PCDHA2: variants seen among roughly 807,000 people sequenced by gnomAD.
PCDHA2 encodes protocadherin alpha-2.
A neutral mutation model predicts 66.0 loss-of-function variants in PCDHA2; 58 were observed. The observed-to-expected ratio is 0.88, with a 90% CI of 0.71 to 1.09. The LOEUF (loss-of-function observed/expected upper bound fraction) is 1.09. Among genes scored for constraint, PCDHA2 ranks in the 50% least tolerant of loss-of-function variants. PCDHA2 has a pLI of 0.00. For synonymous variants in PCDHA2, 634 were observed against 554.0 expected (o/e 1.14, Z -2.03); for missense variants, 1,267 against 1,242.3 (o/e 1.02, Z -0.30).
chr5:140,914,944 CTTTTTT>C (rs35695909), intron 1 of PCDHA2, among the ~76,000 whole-genome samples: 1 of 128,266 alleles, frequency 7.8e-6, no homozygotes, highest in Non-Finnish European at 1.7e-5. Flanking sequence ...GAAAAGTTGT[CTTTTTT>C]TTTTTTTTTT....
rs147892853 is a variant in PCDHA2 at position 140,979,173 on chromosome 5, C to A, written c.2447+166C>A. ...CCCATGTTTATTCCTTGAAAGATCG[C>A]AAATGGTCAGTGCCAGATGCTTATC... On this transcript the variant is annotated intron_variant, in intron 2 of 3. Transcript: ENST00000526136. The A allele has an allele frequency of 5.2e-6, 5 of 958,838 alleles. No individual in the cohort carries two copies. The Admixed American group carries it at 3.1e-4, about 59-fold the overall frequency. 59.4% of individuals were successfully genotyped at this position (958,838 alleles called of 1,614,324 possible).
chr5:140,832,014 A>T (rs2150199112), intron 1 of PCDHA2, among the ~76,000 whole-genome samples: 4 of 152,220 alleles, frequency 2.6e-5, no homozygotes, highest in Non-Finnish European at 5.9e-5. Context: ...CATTTTACGT[A>T]AAGATTGAAT....
At chr5:140,938,715 C>T (rs138044331) in intron 1 of PCDHA2, among the ~76,000 whole-genome samples, 10 of 152,038 alleles carry the variant, frequency 6.6e-5, no homozygotes, top group African/African-American at 2.4e-4. Flanking sequence ...ATGATAGAAA[C>T]GCGTTTCTAC....
chr5:140,964,238 T>G (rs1354844619), intron 1 of PCDHA2, among the ~76,000 whole-genome samples: 1 of 152,208 alleles, frequency 6.6e-6, no homozygotes, highest in Admixed American at 6.5e-5. Flanking sequence ...AGGCTGATTG[T>G]GTTGGCTTTA....
In PCDHA2 at chr5:140,870,510, A is replaced by G. The variant is rs185967358; in HGVS notation, c.2388+73158A>G. On this transcript the variant is annotated intron_variant, in intron 1 of 3. Transcript: ENST00000526136. ...TGTTCGTGAAGGAGAACAACCCACCAGGCTGCCACATCTTCACAGTGTCGG... is the reference window on the plus strand; with the variant it reads ...TGTTCGTGAAGGAGAACAACCCACCGGGCTGCCACATCTTCACAGTGTCGG... 4.8e-3 allele frequency: 7,668 copies of G among 1,614,220 alleles called. 19 individuals carry two copies. The highest frequency in any genetic ancestry group is 5.8e-3 in the Non-Finnish European group (6,886 of 1,180,042).
chr5:140,872,828 A>G (rs1393520150), intron 1 of PCDHA2, among the ~76,000 whole-genome samples: 2 of 152,234 alleles, frequency 1.3e-5, no homozygotes, highest in African/African-American at 4.8e-5. Flanking sequence ...CATCTAGCAG[A>G]GAAAAAATTA....
chr5:140,877,807 T>C, intron 1 of PCDHA2: 1 of 1,611,556 alleles, frequency 6.2e-7, no homozygotes, highest in Non-Finnish European at 8.5e-7. Context: ...CCTTCAGCTG[T>C]CTCGAGAAGA....
At chr5:140,821,498 G>C (rs1479155064) in intron 1 of PCDHA2, 4 of 316,254 alleles carry the variant, frequency 1.3e-5, no homozygotes, top group Admixed American at 8.8e-5. Context: ...AAATATTGAC[G>C]AATATAAGCT....
Position 140,796,216 on chromosome 5 carries a change from G to C in PCDHA2, c.1252G>C (p.Val418Leu), listed in dbSNP as rs782456335. 5.0e-6 allele frequency: 8 copies of C among 1,614,080 alleles called. No individual in the cohort carries two copies. Among genetic ancestry groups the C allele is most frequent in the Non-Finnish European group, 6.8e-6 (8 of 1,180,054 alleles). ...GGACAGCGCCCTGGACCGCGAGAGC[G>C]TGTCAGCCTATGAGCTGGTGGTGAC... Reference protein sequence around the residue: ...VLDSALDRESVSAYELVVTAR... With the variant: ...VLDSALDRESLSAYELVVTAR... Residue 418 changes from valine to leucine, a missense_variant, in exon 1 of 4, where the codon GTG becomes CTG. Physicochemically the swap from Val to Leu is conservative, Grantham distance 32. Transcript: ENST00000526136.
intron 1 of PCDHA2, chr5:140,841,266 CAG>C (rs1777120353): frequency 6.6e-7 from 1 of 1,522,182 alleles, no homozygotes; most frequent in African/African-American, 1.4e-5. Flanking sequence ...TCTGAAAGTA[CAG>C]TCGTTCATCT....
At chr5:140,828,010 G>A in intron 1 of PCDHA2, 1 of 1,506,714 alleles carries the variant, frequency 6.6e-7, no homozygotes, top group Non-Finnish European at 8.9e-7. Context: ...CAGAAGAAAT[G>A]GATTAATAAA....
chr5:140,994,190 C>G (rs1377695035), intron 3 of PCDHA2, among the ~76,000 whole-genome samples: 1 of 152,136 alleles, frequency 6.6e-6, no homozygotes, highest in Non-Finnish European at 1.5e-5. Context: ...ACCACCAGGG[C>G]CTGTTGGTCC....
At chr5:140,828,569 G>C in intron 1 of PCDHA2, 1 of 1,614,252 alleles carries the variant, frequency 6.2e-7, no homozygotes, top group Non-Finnish European at 8.5e-7. Flanking sequence ...CGCGTCCGAT[G>C]CAGATGTTGG....
chr5:140,904,134 C>T (rs1583515585), intron 1 of PCDHA2, among the ~76,000 whole-genome samples: 2 of 152,002 alleles, frequency 1.3e-5, no homozygotes, highest in Admixed American at 6.6e-5. Flanking sequence ...ACCCATCACC[C>T]GAGCAGTATA....
At chr5:140,843,844 AC>A in intron 1 of PCDHA2, 1 of 1,001,290 alleles carries the variant, frequency 1.0e-6, no homozygotes, top group Non-Finnish European at 1.5e-6. Flanking sequence ...GTTTTTAGAA[AC>A]CTTTTATAAT....
chr5:140,856,146 C>CA, intron 1 of PCDHA2: 2 of 1,598,308 alleles, frequency 1.3e-6, no homozygotes, highest in Non-Finnish European at 1.7e-6. Context: ...CTCCACTACT[C>CA]AGTCTACGAG....
chr5:140,858,401 G>T (rs2045390262), intron 1 of PCDHA2: 2 of 1,572,406 alleles, frequency 1.3e-6, no homozygotes, highest in Admixed American at 1.8e-5. Flanking sequence ...TGTGGACGGG[G>T]AAGATCAGTC....
intron 3 of PCDHA2, among the ~76,000 whole-genome samples, chr5:141,000,999 A>G (rs1315543518): frequency 6.6e-6 from 1 of 152,234 alleles, no homozygotes; most frequent in Non-Finnish European, 1.5e-5. Context: ...TATGCTTTAA[A>G]TATGTATTTA....
At chr5:140,992,251 A>G (rs1554252780) in intron 3 of PCDHA2, among the ~76,000 whole-genome samples, 1 of 152,198 alleles carries the variant, frequency 6.6e-6, no homozygotes, top group Non-Finnish European at 1.5e-5. Flanking sequence ...AAGTAGAGCT[A>G]AAGATGAAAG....
Sources: gnomAD v4.1 joint callset for allele counts (sites outside exome capture counted in the v4.1 genomes callset) on GRCh38, gnomAD v4.1.1 for gene constraint, MANE v1.5 for transcripts, NCBI Gene and HGNC (gene_info 2026-07-23, HGNC 2026-07-21) for gene names.